The following RFC3 variants were observed in gnomAD, a reference collection of about 807,000 sequenced individuals.
The protein encoded by RFC3 is A1 38 kDa subunit.
A neutral mutation model predicts 45.1 loss-of-function variants in RFC3; 41 were observed. The observed-to-expected ratio is 0.91, with a 90% CI of 0.71 to 1.18. The LOEUF (loss-of-function observed/expected upper bound fraction) is 1.18. Ranked by LOEUF, RFC3 falls within the 50% of genes most tolerant of loss-of-function variation. The pLI is 0.00. For missense variants in RFC3, 423 were observed against 428.1 expected, an observed-to-expected ratio of 0.99 and a Z score of 0.10; for synonymous variants, 149 against 144.0, an observed-to-expected ratio of 1.03 and a Z score of -0.25.
chr13:33,855,175 AC>A (rs1413274840), intron 8 of RFC3, among the ~76,000 whole-genome samples: 1 of 152,150 alleles, frequency 6.6e-6, no homozygotes, highest in Non-Finnish European at 1.5e-5. Flanking sequence ...GCTTCTTACT[AC>A]TTTCAGTTTG....
chr13:33,833,885 ATTG>A (rs902328082), intron 7 of RFC3, among the ~76,000 whole-genome samples: 4 of 152,070 alleles, frequency 2.6e-5, no homozygotes, highest in Admixed American at 2.0e-4. Flanking sequence ...AAAGAGCATC[ATTG>A]TTGTGGGGAA....
At chr13:33,874,068 T>C (rs866901578) in intron 8 of RFC3, among the ~76,000 whole-genome samples, 18 of 152,224 alleles carry the variant, frequency 1.2e-4, no homozygotes, top group African/African-American at 4.1e-4. Context: ...CAAAGCATCC[T>C]ACTTTGGGAA....
chr13:33,855,658 C>A (rs111815586), intron 8 of RFC3, among the ~76,000 whole-genome samples: 11 of 152,208 alleles, frequency 7.2e-5, no homozygotes, highest in African/African-American at 2.6e-4. Context: ...GATTTTTTAA[C>A]AATAGCCATT....
chr13:33,895,257 C>A (rs7983550), intron 8 of RFC3, among the ~76,000 whole-genome samples: 17,467 of 152,186 alleles, frequency 0.11, 2,053 homozygotes, highest in African/African-American at 0.3. Flanking sequence ...ATATCTGACA[C>A]AGGACTAATA....
chr13:33,930,096 C>A (rs1330031884), intron 8 of RFC3, among the ~76,000 whole-genome samples: 1 of 152,038 alleles, frequency 6.6e-6, no homozygotes, highest in Admixed American at 6.6e-5. Flanking sequence ...AGACTTAATT[C>A]TTTCATCTAT....
downstream of RFC3, among the ~76,000 whole-genome samples, chr13:33,967,668 A>AGTAGAGATG (rs1004150886): frequency 1.3e-5 from 2 of 151,536 alleles, no homozygotes; most frequent in Non-Finnish European, 2.9e-5. Flanking sequence ...TTGTATTTTT[A>AGTAGAGATG]GTAGAGATGG....
At position 33,900,291 on chromosome 13, in the gene RFC3, A is replaced by G. The variant is rs144233473; in HGVS notation, c.879+65074A>G. 5.0e-3 allele frequency among the ~76,000 whole-genome samples: 765 copies of G among 152,148 alleles called. 7 individuals carry two copies. The highest frequency in any genetic ancestry group is 0.018 in the African/African-American group (738 of 41,556). ...TGACTTCAAAATTTACTACAAACCT[A>G]TAGTAACCAAATCAGCATGGTACTG... On this transcript the variant is annotated intron_variant, in intron 8 of 8. Transcript: ENST00000434425.
chr13:33,939,620 C>G (rs189348022), intron 8 of RFC3, among the ~76,000 whole-genome samples: 1 of 152,110 alleles, frequency 6.6e-6, no homozygotes, highest in Non-Finnish European at 1.5e-5. Flanking sequence ...GTATTAAACC[C>G]GAGGAGGGGT....
At chr13:33,935,781 G>T (rs1223015825) in intron 8 of RFC3, among the ~76,000 whole-genome samples, 1 of 152,082 alleles carries the variant, frequency 6.6e-6, no homozygotes, top group African/African-American at 2.4e-5. Context: ...CATTTCACCT[G>T]GTCTGTTAGG....
At chr13:33,844,899 G>T (rs1400293221) in intron 8 of RFC3, among the ~76,000 whole-genome samples, 1 of 152,010 alleles carries the variant, frequency 6.6e-6, no homozygotes, top group Non-Finnish European at 1.5e-5. Context: ...ATGATTTCTT[G>T]TTTCTCATTA....
downstream of RFC3, among the ~76,000 whole-genome samples, chr13:33,970,505 A>G (rs1179712653): frequency 6.6e-6 from 1 of 152,250 alleles, no homozygotes; most frequent in Non-Finnish European, 1.5e-5. Flanking sequence ...TTGAGGAACC[A>G]ACTGTGTGAT....
At position 33,820,571 on chromosome 13, in the gene RFC3, C is replaced by A. The variant is rs139906234; in HGVS notation, c.88-561C>A. The stretch of plus-strand genomic sequence containing the variant: ...ACACTCTTACTGGCTGCCTTCCTTT[C>A]CCTGTTTCGCATCCCCACTCTCCTA... On this transcript the variant is annotated intron_variant, in intron 1 of 8. Coordinates refer to ENST00000380071, the MANE Select transcript of RFC3 (RefSeq NM_002915.4). Among the ~76,000 whole-genome samples the A allele has an allele frequency of 2.0e-3, 299 of 152,306 alleles. 1 individual carries two copies. The highest frequency in any genetic ancestry group is 6.6e-3 in the African/African-American group (276 of 41,568).
At chr13:33,967,551 G>A (rs1393312668), downstream of RFC3, among the ~76,000 whole-genome samples, 3 of 145,438 alleles carry the variant, frequency 2.1e-5, no homozygotes, top group Admixed American at 7.1e-5. Flanking sequence ...GCAGTGGTGC[G>A]GTCTTGGCTC....
rs3135634 is a variant in RFC3 at position 33,836,226 on chromosome 13, G to A, written c.1002G>A (p.Ala334=). 827 of 1,613,356 alleles carry A rather than the reference G, an allele frequency of 5.1e-4. 1 individual carries two copies. The highest frequency in any genetic ancestry group is 6.8e-4 in the Admixed American group (41 of 59,962). The change falls in exon 9 of 9, where the codon GCG becomes GCA. Residue 334 remains alanine (A), a synonymous_variant. Coordinates refer to ENST00000380071, the MANE Select transcript of RFC3 (RefSeq NM_002915.4). ...LGSKAIYHLE[A]FVAKFMALYK... is the part of the protein sequence containing the mutation. ...GCAAAGCCATTTATCACTTGGAAGC[G>A]TTTGTGGCCAAATTCATGGCACTTT...
At chr13:33,823,096 A>G (rs1337821049) in intron 2 of RFC3, among the ~76,000 whole-genome samples, 1 of 152,182 alleles carries the variant, frequency 6.6e-6, no homozygotes, top group Non-Finnish European at 1.5e-5. Flanking sequence ...GTGTGAGTCT[A>G]TTATATACTC....
At chr13:33,898,205 A>G (rs970896136) in intron 8 of RFC3, among the ~76,000 whole-genome samples, 8 of 152,072 alleles carry the variant, frequency 5.3e-5, no homozygotes, top group African/African-American at 1.9e-4. Context: ...TGCAGAATAC[A>G]CATCTTATTC....
downstream of RFC3, among the ~76,000 whole-genome samples, chr13:33,968,046 G>A (rs2083096024): frequency 6.6e-6 from 1 of 152,142 alleles, no homozygotes; most frequent in Non-Finnish European, 1.5e-5. Context: ...CCCATGAAGG[G>A]TTATCTTGAG....
intron 8 of RFC3, among the ~76,000 whole-genome samples, chr13:33,925,106 C>T (rs144136349): frequency 0.02 from 2,888 of 142,088 alleles, 62 homozygotes; most frequent in East Asian, 0.043. Flanking sequence ...ACTATATACA[C>T]GCATATATAG....
chr13:33,861,510 G>A (rs1020840893), intron 8 of RFC3, among the ~76,000 whole-genome samples: 1 of 152,006 alleles, frequency 6.6e-6, no homozygotes, highest in Non-Finnish European at 1.5e-5. Context: ...GCCGGGTGTG[G>A]TGGTGGCACC....
Sources: gnomAD v4.1 joint callset for allele counts (sites outside exome capture counted in the v4.1 genomes callset) on GRCh38, gnomAD v4.1.1 for gene constraint, MANE v1.5 for transcripts, NCBI Gene and HGNC (gene_info 2026-07-23, HGNC 2026-07-21) for gene names.